The following SLC16A12 variants were observed in gnomAD, a reference collection of about 807,000 sequenced individuals.
SLC16A12 encodes solute carrier family 16 member 12.
SLC16A12 carries 17 observed loss-of-function variants against 42.4 expected under a neutral mutation model. The ratio of observed to expected loss-of-function variants is 0.40; its 90% CI spans 0.27 to 0.60. SLC16A12 has a LOEUF of 0.60. SLC16A12 is among the 20% of genes least tolerant of loss of function. SLC16A12 has a pLI of 0.42. For synonymous variants in SLC16A12, 224 were observed against 229.4 expected, an observed-to-expected ratio of 0.98 and a Z score of 0.21; for missense variants, 544 against 623.0, an observed-to-expected ratio of 0.87 and a Z score of 1.35.
At chr10:89,508,008 CA>C (rs1843094811) in intron 2 of SLC16A12, among the ~76,000 whole-genome samples, 1 of 152,182 alleles carries the variant, frequency 6.6e-6, no homozygotes, top group Non-Finnish European at 1.5e-5. Context: ...GTAACGGGAT[CA>C]ATCGACAAGA....
At chr10:89,497,958 T>C (rs796848254) in intron 2 of SLC16A12, among the ~76,000 whole-genome samples, 1 of 152,152 alleles carries the variant, frequency 6.6e-6, no homozygotes, top group Non-Finnish European at 1.5e-5. Flanking sequence ...TTTATCTACG[T>C]CTGTACTATT....
chr10:89,554,046 A>AAGAG lies in SLC16A12; in HGVS notation c.-47+1835_-47+1836insCTCT, dbSNP rs1437388455. ...AAAGAGAGAAAGGAAGAAAGAAAGA[A>AAGAG]AGAAAGAAAGAAAGAAAGAAAGAAA... On this transcript the variant is annotated intron_variant, in intron 2 of 2. Transcript: ENST00000475682. Among the ~76,000 whole-genome samples, 6 of 55,960 alleles carry AAGAG rather than the reference A, an allele frequency of 1.1e-4. 1 individual carries two copies. The South Asian group carries it at 2.2e-3, about 20-fold the overall frequency. 36.7% of individuals were successfully genotyped at this position (55,960 alleles called of 152,430 possible). A position where few individuals can be genotyped will look rare whatever the true frequency, so the allele number is the denominator to read the frequency against.
intron 1 of SLC16A12, among the ~76,000 whole-genome samples, chr10:89,556,134 A>G (rs938774325): frequency 1.3e-5 from 2 of 152,134 alleles, no homozygotes; most frequent in Non-Finnish European, 2.9e-5. Flanking sequence ...AGATCAATGT[A>G]TTGACAGCTT....
intron 3 of SLC16A12, among the ~76,000 whole-genome samples, chr10:89,445,410 G>A (rs920631688): frequency 7.2e-5 from 11 of 152,210 alleles, no homozygotes; most frequent in Admixed American, 3.3e-4. Context: ...AATATTTGCT[G>A]TTCTGCAATA....
chr10:89,545,245 AC>A (rs2133886936), intron 2 of SLC16A12, among the ~76,000 whole-genome samples: 1 of 152,184 alleles, frequency 6.6e-6, no homozygotes, highest in Non-Finnish European at 1.5e-5. Flanking sequence ...TCATGCACAA[AC>A]AAAAATGTTT....
intron 2 of SLC16A12, among the ~76,000 whole-genome samples, chr10:89,529,654 C>T (rs1843509853): frequency 6.6e-6 from 1 of 151,424 alleles, no homozygotes; most frequent in Admixed American, 6.6e-5. Flanking sequence ...TTCAAGCCAT[C>T]CTCCTGCCTC....
chr10:89,500,401 AG>A (rs1164406177), intron 2 of SLC16A12, among the ~76,000 whole-genome samples: 1 of 152,228 alleles, frequency 6.6e-6, no homozygotes, highest in East Asian at 1.9e-4. Context: ...ACAAAATACT[AG>A]CTAACTGAAT....
chr10:89,497,870 T>C (rs1325364311), intron 2 of SLC16A12, among the ~76,000 whole-genome samples: 4 of 152,242 alleles, frequency 2.6e-5, no homozygotes, highest in Non-Finnish European at 5.9e-5. Flanking sequence ...TATGTTACTA[T>C]GTAATTATAC....
chr10:89,469,467 T>C (rs1378822617), intron 2 of SLC16A12, among the ~76,000 whole-genome samples: 1 of 152,226 alleles, frequency 6.6e-6, no homozygotes, highest in Admixed American at 6.5e-5. Flanking sequence ...TCTGAAGATA[T>C]TTCTTTTATC....
chr10:89,498,400 C>T (rs1202457218), intron 2 of SLC16A12, among the ~76,000 whole-genome samples: 4 of 151,964 alleles, frequency 2.6e-5, no homozygotes, highest in Non-Finnish European at 1.5e-5. Flanking sequence ...ACAATGATTC[C>T]CTGTTTATGT....
At chr10:89,437,414 C>T (rs988015474) in intron 6 of SLC16A12, among the ~76,000 whole-genome samples, 3 of 152,042 alleles carry the variant, frequency 2.0e-5, no homozygotes, top group African/African-American at 7.2e-5. Context: ...GGTCAACAGG[C>T]AAATATTGCA....
chr10:89,511,864 T>C (rs1308837718), intron 2 of SLC16A12, among the ~76,000 whole-genome samples: 3 of 152,166 alleles, frequency 2.0e-5, no homozygotes, highest in Non-Finnish European at 4.4e-5. Context: ...TGTACACCCA[T>C]GTTCATAGAC....
intron 2 of SLC16A12, among the ~76,000 whole-genome samples, chr10:89,525,028 G>A: frequency 6.6e-6 from 1 of 151,982 alleles, no homozygotes; most frequent in East Asian, 1.9e-4. Flanking sequence ...GACCAGCCTG[G>A]GCAACATGGT....
At chr10:89,439,245 A>C (rs1841862649) in intron 5 of SLC16A12, 62 bp from the exon 6 acceptor site, 9 of 1,484,710 alleles carry the variant, frequency 6.1e-6, no homozygotes, top group Admixed American at 1.7e-5. Context: ...ATATCTCAGA[A>C]TACAATGATT....
At chr10:89,527,082 T>C (rs1043298394) in intron 2 of SLC16A12, among the ~76,000 whole-genome samples, 6 of 152,218 alleles carry the variant, frequency 3.9e-5, no homozygotes, top group African/African-American at 1.4e-4. Context: ...AATTTATTTA[T>C]TTTTATTACA....
chr10:89,527,182 TA>T (rs1316897948), intron 2 of SLC16A12, among the ~76,000 whole-genome samples: 2 of 151,478 alleles, frequency 1.3e-5, no homozygotes, highest in Admixed American at 6.6e-5. Flanking sequence ...AAGAACAAAT[TA>T]AAAAAAATAA....
At chr10:89,443,972 C>T (rs1008491783) in intron 3 of SLC16A12, 113 bp from the exon 4 acceptor site, 9 of 728,872 alleles carry the variant, frequency 1.2e-5, no homozygotes, top group Admixed American at 2.0e-5. Context: ...GTTTTAATTG[C>T]TAGACCATAA....
In SLC16A12 at chr10:89,431,165, T is replaced by A; in HGVS notation, c.*1899A>T. 5.9e-6 allele frequency: 1 copy of A among 168,334 alleles called. No homozygotes were observed. Among genetic ancestry groups the A allele is most frequent in the Non-Finnish European group, 1.3e-5 (1 of 79,272 alleles). 10.4% of individuals were successfully genotyped at this position (168,334 alleles called of 1,614,324 possible). A position where few individuals can be genotyped will look rare whatever the true frequency, so the allele number is the denominator to read the frequency against. ...GGCGCCCGCCACCACGCCTGGCTAA[T>A]TTTTTGCATTTTTAGTAGAGACGGA... On this transcript the variant is annotated 3_prime_UTR_variant, in exon 8 of 8. Coordinates refer to ENST00000371790, the MANE Select transcript of SLC16A12 (RefSeq NM_213606.4).
At chr10:89,472,487 CTTTTTTTTTT>C (rs71022567) in intron 2 of SLC16A12, among the ~76,000 whole-genome samples, 17 of 89,894 alleles carry the variant, frequency 1.9e-4, no homozygotes, top group African/African-American at 5.4e-4. Flanking sequence ...TCTTTTCTTT[CTTTTTTTTTT>C]TTTTTTTTTT....
Sources: allele counts gnomAD v4.1 joint callset (sites outside exome capture counted in the v4.1 genomes callset), GRCh38; gene constraint gnomAD v4.1.1; transcripts MANE v1.5; gene names NCBI Gene and HGNC (gene_info 2026-07-23, HGNC 2026-07-21).